The following ASCC3 variants were observed in gnomAD, a reference collection of about 807,000 sequenced individuals.
ASCC3 encodes ASC-1 complex subunit P200.
ASCC3 carries 158 observed loss-of-function variants against 256.3 expected under a neutral mutation model. The observed-to-expected ratio is 0.62, with a 90% CI of 0.54 to 0.70. The LOEUF is 0.70. Ranked by LOEUF, ASCC3 falls within the 30% of genes least tolerant of loss-of-function variation. The pLI, the probability that ASCC3 is intolerant of heterozygous loss-of-function variation, is 0.00. For missense variants in ASCC3, 2,259 were observed against 2,626.0 expected, an observed-to-expected ratio of 0.86 and a Z score of 3.05; for synonymous variants, 948 against 883.4, an observed-to-expected ratio of 1.07 and a Z score of -1.30.
intron 8 of ASCC3, among the ~76,000 whole-genome samples, chr6:100,782,708 T>C (rs1782505762): frequency 5.0e-5 from 1 of 19,990 alleles, no homozygotes; most frequent in Admixed American, 1.1e-3. Flanking sequence ...AATGAAATTC[T>C]ATGCCTCCAT....
Position 100,629,079 on chromosome 6 carries a change from G to C in ASCC3, c.4311C>G (p.Ser1437Arg). The change falls in exon 27 of 42, where the codon AGC becomes AGG. Residue 1437 changes from serine (S) to arginine (R), a missense_variant. Physicochemically the swap from Ser to Arg is moderately radical, Grantham distance 110. This residue lies in a region of ASCC3 where 1,839 missense variants were observed against 2,206.7 expected (regional missense o/e 0.83). Coordinates refer to ENST00000369162, the MANE Select transcript of ASCC3 (RefSeq NM_006828.4). ...TPEKWDGVSR[S>R]WQNRNYVQQV... ...GCTGAACATAGTTCCTATTTTGCCA[G>C]CTTCTGCTGACTCCATCCCACTTCT... The C allele has an allele frequency of 1.2e-6, 2 of 1,613,808 alleles. No homozygotes were observed. Among genetic ancestry groups the C allele is most frequent in the African/African-American group, 2.7e-5 (2 of 75,024 alleles).
intron 4 of ASCC3, among the ~76,000 whole-genome samples, chr6:100,832,247 G>A (rs1443094758): frequency 2.0e-5 from 3 of 152,084 alleles, no homozygotes; most frequent in Non-Finnish European, 4.4e-5. Context: ...AAGACTGCAA[G>A]TCTTTCAGCA....
intron 7 of ASCC3, 87 bp downstream of exon 7, chr6:100,799,344 A>T: frequency 7.0e-7 from 1 of 1,425,988 alleles, no homozygotes; most frequent in Non-Finnish European, 9.7e-7. Flanking sequence ...AACTAGTGTT[A>T]GACTCACGAA....
At chr6:100,746,075 C>G (rs1256441672) in intron 10 of ASCC3, among the ~76,000 whole-genome samples, 2 of 118,420 alleles carry the variant, frequency 1.7e-5, no homozygotes, top group Non-Finnish European at 3.8e-5. Context: ...GTGCCAAGAA[C>G]TATTCCAAAC....
At chr6:100,857,881 T>A (rs77019139) in intron 3 of ASCC3, 2 of 148,980 alleles carry the variant, frequency 1.3e-5, no homozygotes, top group African/African-American at 4.9e-5. Context: ...CATGCACACA[T>A]ACACACACAC....
intron 13 of ASCC3, among the ~76,000 whole-genome samples, chr6:100,684,336 G>A (rs556853858): frequency 6.6e-6 from 1 of 152,230 alleles, no homozygotes; most frequent in East Asian, 1.9e-4. Context: ...TAGTAAAATG[G>A]TGGCTCTAAA....
rs753657762 is a variant in ASCC3 at position 100,655,671 on chromosome 6, T to C, written c.2823+28A>G. 4.1e-6 allele frequency: 6 copies of C among 1,478,250 alleles called. No individual in the cohort carries two copies. In the Admixed American group the frequency reaches 8.8e-5, roughly 22 times the overall value. The allele number at this position is 1,478,250 out of a possible 1,614,324, so 91.6% of individuals were successfully genotyped here. ...GAAAGAACCAAAAAGAAGGTCTGAATTTTTTTTTTAATAAATGAGTTTTCT... is the reference window on the plus strand; with the variant it reads ...GAAAGAACCAAAAAGAAGGTCTGAACTTTTTTTTTAATAAATGAGTTTTCT... On this transcript the variant is annotated intron_variant, in intron 17 of 41. Transcript: ENST00000369162.
chr6:100,632,182 T>TAAAAAAAA (rs35229827), intron 25 of ASCC3, among the ~76,000 whole-genome samples: 8 of 102,004 alleles, frequency 7.8e-5, no homozygotes, highest in Non-Finnish European at 1.2e-4. Context: ...GCAAACTATC[T>TAAAAAAAA]AAAAAAAAAA....
At chr6:100,590,645 C>T (rs76641091) in intron 34 of ASCC3, among the ~76,000 whole-genome samples, 31 of 152,130 alleles carry the variant, frequency 2.0e-4, no homozygotes, top group African/African-American at 7.2e-4. Context: ...CTTAGAGAAC[C>T]GGTTCTCATC....
intron 17 of ASCC3, among the ~76,000 whole-genome samples, chr6:100,654,841 A>C (rs1162909898): frequency 2.0e-5 from 3 of 151,982 alleles, no homozygotes; most frequent in Non-Finnish European, 4.4e-5. Context: ...TCCCATGGTA[A>C]AATCTACTGC....
In ASCC3 at chr6:100,627,705, G is replaced by C. The variant is rs780912727; in HGVS notation, c.4527C>G (p.Gly1509=). The change falls in exon 29 of 42, where the codon GGC becomes GGG. Residue 1509 remains glycine (G), a synonymous_variant. Transcript: ENST00000369162. ...GTACTGATGGTCGGAAGTTAAACAA[G>C]CCCATCTAGAGTAAATATGAGAGAG... ...LADWLNIKQM[G]LFNFRPSVRP... 6.2e-7 allele frequency: 1 copy of C among 1,613,450 alleles called. No homozygotes were observed. The highest frequency in any genetic ancestry group is 2.2e-5 in the East Asian group (1 of 44,824).
At chr6:100,858,248 T>C (rs1050951343) in intron 3 of ASCC3, 1 of 545,512 alleles carries the variant, frequency 1.8e-6, no homozygotes, top group South Asian at 8.2e-5. Flanking sequence ...CCTTGTTAAA[T>C]TCATTTTCTA....
chr6:100,762,441 T>A (rs1781463785), intron 10 of ASCC3, among the ~76,000 whole-genome samples: 1 of 152,160 alleles, frequency 6.6e-6, no homozygotes. Context: ...TCATCAAGGA[T>A]ACATTTAGAG....
At chr6:100,755,069 C>A (rs868858089) in intron 10 of ASCC3, among the ~76,000 whole-genome samples, 2 of 151,824 alleles carry the variant, frequency 1.3e-5, no homozygotes, top group Admixed American at 6.6e-5. Flanking sequence ...TGGACTAATA[C>A]GAGATCCCGC....
At chr6:100,576,670 AAAGT>A (rs761636558) in intron 36 of ASCC3, among the ~76,000 whole-genome samples, 83 of 152,034 alleles carry the variant, frequency 5.5e-4, no homozygotes, top group Non-Finnish European at 1.0e-3. Flanking sequence ...TTCTCAGTAA[AAAGT>A]AATTATTATT....
chr6:100,595,313 T>TA (rs1246577238), intron 34 of ASCC3, among the ~76,000 whole-genome samples: 1 of 152,150 alleles, frequency 6.6e-6, no homozygotes, highest in African/African-American at 2.4e-5. Flanking sequence ...TACACCATAA[T>TA]ATAATTATCA....
chr6:100,660,672 T>C (rs115826308), intron 16 of ASCC3, among the ~76,000 whole-genome samples: 2,241 of 151,752 alleles, frequency 0.015, 53 homozygotes, highest in African/African-American at 0.051. Flanking sequence ...CCAACACAGA[T>C]CTTCTGCACT....
intron 14 of ASCC3, among the ~76,000 whole-genome samples, chr6:100,665,584 A>AC (rs200527755): frequency 0.014 from 2,147 of 151,622 alleles, 40 homozygotes; most frequent in African/African-American, 0.049. Flanking sequence ...AAACAAACAA[A>AC]AAAAAAATAG....
At chr6:100,738,468 T>C (rs1293121384) in intron 10 of ASCC3, among the ~76,000 whole-genome samples, 2 of 152,198 alleles carry the variant, frequency 1.3e-5, no homozygotes, top group Admixed American at 6.5e-5. Context: ...ATTTATTAAA[T>C]AGGGAATCCT....
Sources: allele counts gnomAD v4.1 joint callset (sites outside exome capture counted in the v4.1 genomes callset), GRCh38; gene constraint gnomAD v4.1.1; regional missense constraint gnomAD v4.1.1; transcripts MANE v1.5; gene names NCBI Gene and HGNC (gene_info 2026-07-23, HGNC 2026-07-21).